Variants in MCPH1 observed in about 807,000 individuals in gnomAD.
MCPH1 encodes microcephalin 1.
Under a neutral mutation model 84.5 loss-of-function variants are expected in MCPH1, and 104 were observed. The ratio of observed to expected loss-of-function variants is 1.23; its 90% CI spans 1.05 to 1.45. MCPH1 has a LOEUF of 1.45. Among genes scored for constraint, MCPH1 ranks in the 40% most tolerant of loss-of-function variants. MCPH1 has a pLI of 0.00. For synonymous variants in MCPH1, 514 were observed against 366.8 expected (o/e 1.40, Z -4.58); for missense variants, 1,498 against 1,005.7 (o/e 1.49, Z -6.62).
At chr8:6,633,944 C>A (rs1452131222) in intron 13 of MCPH1, among the ~76,000 whole-genome samples, 1 of 152,128 alleles carries the variant, frequency 6.6e-6, no homozygotes, top group Non-Finnish European at 1.5e-5. Flanking sequence ...GTTGGAGGAA[C>A]TGAACAGCAG....
At chr8:6,625,428 A>G in intron 13 of MCPH1, 1 of 985,422 alleles carries the variant, frequency 1.0e-6, no homozygotes, top group Non-Finnish European at 1.2e-6. Context: ...CATTATAACA[A>G]ATGCTTCTCT....
intron 12 of MCPH1, among the ~76,000 whole-genome samples, chr8:6,575,795 C>T (rs993686954): frequency 3.9e-5 from 6 of 152,078 alleles, no homozygotes; most frequent in Admixed American, 2.0e-4. Context: ...AGGAACGCCT[C>T]GTGACAACGC....
intron 12 of MCPH1, chr8:6,503,071 C>G (rs746771032): frequency 6.2e-7 from 1 of 1,612,872 alleles, no homozygotes; most frequent in African/African-American, 1.3e-5. Context: ...GAAAATAGTT[C>G]GAGACAGTTC....
chr8:6,447,412 T>A (rs939853259), intron 8 of MCPH1: 1 of 985,326 alleles, frequency 1.0e-6, no homozygotes, highest in African/African-American at 1.7e-5. Flanking sequence ...ATTTCTGTTT[T>A]CAGTTCACTT....
chr8:6,508,353 C>T (rs1814207459), intron 12 of MCPH1: 1 of 153,712 alleles, frequency 6.5e-6, no homozygotes, highest in South Asian at 2.1e-4. Context: ...GAGGCTGAGG[C>T]AGGAGAATCG....
Position 6,643,506 on chromosome 8 carries a change from C to G in MCPH1, c.*457C>G, listed in dbSNP as rs146726854. 9.7e-4 allele frequency: 200 copies of G among 206,120 alleles called. No homozygotes were observed. Among genetic ancestry groups the G allele is most frequent in the African/African-American group, 4.4e-3 (188 of 42,656 alleles). 12.8% of individuals were successfully genotyped at this position (206,120 alleles called of 1,614,324 possible). Reference sequence around the variant, plus strand: ...TCTCAAACGCCTGAGCTCAGGTGATCTGTCAGGCCTCTTCTATAGAATTCC... The same window carrying G: ...TCTCAAACGCCTGAGCTCAGGTGATGTGTCAGGCCTCTTCTATAGAATTCC... On this transcript the variant is annotated 3_prime_UTR_variant, in exon 14 of 14. Transcript: ENST00000344683.
chr8:6,638,782 C>T (rs1368571015), intron 13 of MCPH1, among the ~76,000 whole-genome samples: 2 of 151,944 alleles, frequency 1.3e-5, no homozygotes, highest in East Asian at 3.9e-4. Context: ...GTTCAGATGC[C>T]AAATAAACTT....
intron 11 of MCPH1, among the ~76,000 whole-genome samples, chr8:6,494,752 A>C (rs1811055909): frequency 6.6e-6 from 1 of 152,136 alleles, no homozygotes; most frequent in South Asian, 2.1e-4. Flanking sequence ...GGAGAGAGGG[A>C]TGGGGAGTGA....
chr8:6,543,924 CAG>C lies in MCPH1; in HGVS notation c.2214+43997_2214+43998del, dbSNP rs141991250. ...CTTTTTATAACTCACATTAGAAACA[CAG>C]ATTATTTAACGGGGCTATGTTTTGC... On this transcript the variant is annotated intron_variant, in intron 12 of 13. Coordinates refer to ENST00000344683, the MANE Select transcript of MCPH1 (RefSeq NM_024596.5). Among the ~76,000 whole-genome samples the C allele has an allele frequency of 9.0e-3, 1,368 of 152,284 alleles. 29 individuals carry two copies. The highest frequency in any genetic ancestry group is 0.032 in the African/African-American group (1,324 of 41,552).
chr8:6,578,982 G>T (rs943655346), intron 12 of MCPH1, among the ~76,000 whole-genome samples: 6 of 152,232 alleles, frequency 3.9e-5, no homozygotes, highest in Non-Finnish European at 8.8e-5. Flanking sequence ...CAGCCATCCA[G>T]AACAGTGGAG....
chr8:6,411,861 C>G (rs926538446), intron 2 of MCPH1, among the ~76,000 whole-genome samples: 1 of 152,040 alleles, frequency 6.6e-6, no homozygotes, highest in East Asian at 1.9e-4. Context: ...ACTTAACCCC[C>G]GTGGATAAGG....
intron 12 of MCPH1, among the ~76,000 whole-genome samples, chr8:6,525,370 C>T (rs894030652): frequency 5.3e-5 from 8 of 152,140 alleles, no homozygotes; most frequent in South Asian, 2.1e-4. Flanking sequence ...GGAGGGATTA[C>T]AGGTGTGTGC....
At chr8:6,463,265 G>T (rs1039601315) in intron 9 of MCPH1, among the ~76,000 whole-genome samples, 1 of 152,102 alleles carries the variant, frequency 6.6e-6, no homozygotes, top group Admixed American at 6.5e-5. Context: ...GCCCGCTTGG[G>T]GGATCTGCTT....
chr8:6,632,412 TAA>T (rs998054285), intron 13 of MCPH1, among the ~76,000 whole-genome samples: 1 of 152,166 alleles, frequency 6.6e-6, no homozygotes, highest in Non-Finnish European at 1.5e-5. Context: ...CCAAACATTA[TAA>T]AGTTTTACAG....
chr8:6,475,252 C>G (rs1808296514), intron 9 of MCPH1, among the ~76,000 whole-genome samples: 1 of 152,242 alleles, frequency 6.6e-6, no homozygotes, highest in Admixed American at 6.5e-5. Flanking sequence ...ACAGCAAATG[C>G]TGGGGAGCAG....
At chr8:6,555,797 A>G (rs534491254) in intron 12 of MCPH1, among the ~76,000 whole-genome samples, 3 of 152,236 alleles carry the variant, frequency 2.0e-5, no homozygotes, top group African/African-American at 7.2e-5. Context: ...GAACGATTAA[A>G]TAGTTGTACC....
chr8:6,580,758 A>C (rs1827504951), intron 12 of MCPH1, among the ~76,000 whole-genome samples: 1 of 152,196 alleles, frequency 6.6e-6, no homozygotes, highest in South Asian at 2.1e-4. Flanking sequence ...AGGCAGAAAG[A>C]CTTCCCTGAG....
chr8:6,419,758 C>T (rs1021233339), intron 3 of MCPH1, among the ~76,000 whole-genome samples: 5 of 152,060 alleles, frequency 3.3e-5, no homozygotes, highest in Admixed American at 2.6e-4. Flanking sequence ...TCCAGCCTCT[C>T]AAAGTGCTGG....
At chr8:6,580,130 A>G (rs1300980314) in intron 12 of MCPH1, among the ~76,000 whole-genome samples, 1 of 152,198 alleles carries the variant, frequency 6.6e-6, no homozygotes, top group African/African-American at 2.4e-5. Context: ...GGTAGACGCT[A>G]TGGTGGGAAG....
Sources: gnomAD v4.1 joint callset for allele counts (sites outside exome capture counted in the v4.1 genomes callset) on GRCh38, gnomAD v4.1.1 for gene constraint, MANE v1.5 for transcripts, NCBI Gene and HGNC (gene_info 2026-07-23, HGNC 2026-07-21) for gene names.